The following ARHGAP25 variants were observed in gnomAD, a reference collection of about 807,000 sequenced individuals.
The protein encoded by ARHGAP25 is Rho GTPase activating protein 25, also known as rho GTPase-activating protein 25.
Under a neutral mutation model 71.0 loss-of-function variants are expected in ARHGAP25, and 34 were observed. The observed-to-expected ratio is 0.48, with a 90% CI of 0.36 to 0.64. The LOEUF is 0.64. Among genes scored for constraint, ARHGAP25 ranks in the 30% least tolerant of loss-of-function variants. The pLI is 0.00. For missense variants in ARHGAP25, 706 were observed against 805.1 expected (o/e 0.88, Z 1.49); for synonymous variants, 282 against 296.5 (o/e 0.95, Z 0.50).
chr2:68,803,855 A>G (rs1680177044), intron 4 of ARHGAP25, among the ~76,000 whole-genome samples: 1 of 152,086 alleles, frequency 6.6e-6, no homozygotes, highest in African/African-American at 2.4e-5. Context: ...CTGTTGAGAC[A>G]GAGAAGGGAG....
Position 68,798,956 on chromosome 2 carries a change from A to AT in ARHGAP25, c.467-8314dup, listed in dbSNP as rs147693154. 8.9e-4 allele frequency among the ~76,000 whole-genome samples: 136 copies of AT among 152,332 alleles called. 1 individual carries two copies. The East Asian group carries it at 0.024, about 26-fold the overall frequency. ...AAAAAGGTGAAAAAAATCAGATTCT[A>AT]TTTAAAAGATCATTCTACTTGCTGT... On this transcript the variant is annotated intron_variant, in intron 4 of 10. Transcript: ENST00000409202.
intron 9 of ARHGAP25, among the ~76,000 whole-genome samples, chr2:68,820,239 T>G (rs1385136465): frequency 6.6e-6 from 1 of 152,218 alleles, no homozygotes; most frequent in East Asian, 1.9e-4. Context: ...ATTTAATAGG[T>G]TTCTGCCATT....
intron 1 of ARHGAP25, among the ~76,000 whole-genome samples, chr2:68,765,219 C>T (rs1030521409): frequency 2.0e-5 from 3 of 152,154 alleles, no homozygotes; most frequent in Non-Finnish European, 2.9e-5. Flanking sequence ...GATATGGAGG[C>T]GGATCTGTCT....
upstream of ARHGAP25, among the ~76,000 whole-genome samples, chr2:68,730,414 C>T (rs941680602): frequency 5.9e-5 from 9 of 152,114 alleles, no homozygotes. Context: ...GAGGCCAAGG[C>T]AGAAGGATCA....
At chr2:68,778,426 G>A (rs181113859) in intron 2 of ARHGAP25, among the ~76,000 whole-genome samples, 268 of 152,012 alleles carry the variant, frequency 1.8e-3, no homozygotes, top group African/African-American at 5.7e-3. Flanking sequence ...AGTATTAACC[G>A]TGGTTATCTC....
chr2:68,750,806 G>T (rs1676124048), intron 1 of ARHGAP25, among the ~76,000 whole-genome samples: 1 of 152,194 alleles, frequency 6.6e-6, no homozygotes, highest in South Asian at 2.1e-4. Flanking sequence ...GGCCGGGCCG[G>T]CCCCAGATCC....
At chr2:68,752,876 G>C (rs962815027) in intron 1 of ARHGAP25, among the ~76,000 whole-genome samples, 333 of 152,222 alleles carry the variant, frequency 2.2e-3, no homozygotes, top group African/African-American at 7.2e-3. Flanking sequence ...TATACAAAGA[G>C]AGAGAGAGAG....
At chr2:68,718,530 A>AGTGT (rs34203928) in intron 2 of ARHGAP25, among the ~76,000 whole-genome samples, 33,119 of 151,136 alleles carry the variant, frequency 0.22, 3,925 homozygotes, top group East Asian at 0.37. Flanking sequence ...GAAATATATA[A>AGTGT]GTGTGTGTGT....
intron 1 of ARHGAP25, among the ~76,000 whole-genome samples, chr2:68,739,481 A>T (rs75547566): frequency 0.12 from 18,680 of 152,150 alleles, 1,449 homozygotes; most frequent in East Asian, 0.25. Context: ...AAGGCCCACT[A>T]TGGGGGTGTT....
chr2:68,807,353 A>T lies in ARHGAP25; in HGVS notation c.547A>T (p.Lys183Ter). 6.2e-7 allele frequency: 1 copy of T among 1,614,176 alleles called. No homozygotes were observed. Among genetic ancestry groups the T allele is most frequent in the Non-Finnish European group, 8.5e-7 (1 of 1,180,030 alleles). ...CCATCTGGTGCCCATCCTGGTGGAG[A>T]AATGTGCAGAGTTCATCCTGGAGCA... ...GPHLVPILVE[K>*]CAEFILEHGR... The change falls in exon 5 of 11, where the codon AAA becomes TAA. Residue 183 changes from lysine (K) to a stop codon, truncating the protein, a stop_gained. Transcript: ENST00000409202. LOFTEE classifies it high-confidence loss of function.
At chr2:68,815,395 C>T (rs929439450) in intron 6 of ARHGAP25, among the ~76,000 whole-genome samples, 5 of 149,126 alleles carry the variant, frequency 3.4e-5, no homozygotes, top group African/African-American at 1.2e-4. Flanking sequence ...AGGAGAGCTG[C>T]TCAGGTTTGA....
At chr2:68,800,195 TG>T (rs903523635) in intron 4 of ARHGAP25, among the ~76,000 whole-genome samples, 1 of 149,058 alleles carries the variant, frequency 6.7e-6, no homozygotes, top group African/African-American at 2.5e-5. Context: ...ACAGTGTGTA[TG>T]GGGGTGGGGA....
At chr2:68,786,282 G>T (rs1218551006) in intron 3 of ARHGAP25, among the ~76,000 whole-genome samples, 1 of 152,150 alleles carries the variant, frequency 6.6e-6, no homozygotes, top group Non-Finnish European at 1.5e-5. Flanking sequence ...CTGGAGTTGA[G>T]GCATGGTGGA....
upstream of ARHGAP25, among the ~76,000 whole-genome samples, chr2:68,734,133 T>C (rs1675099685): frequency 6.6e-6 from 1 of 152,248 alleles, no homozygotes; most frequent in Admixed American, 6.5e-5. Flanking sequence ...GCAACCACTC[T>C]GTGTCAAGCT....
intron 4 of ARHGAP25, among the ~76,000 whole-genome samples, chr2:68,796,317 C>G (rs1679534466): frequency 6.6e-6 from 1 of 152,062 alleles, no homozygotes; most frequent in Non-Finnish European, 1.5e-5. Context: ...ATTTTGGATT[C>G]TTTATCTGGG....
At chr2:68,786,910 A>G (rs1053609199) in intron 3 of ARHGAP25, among the ~76,000 whole-genome samples, 6 of 152,186 alleles carry the variant, frequency 3.9e-5, no homozygotes, top group Non-Finnish European at 8.8e-5. Flanking sequence ...AGGGATCACT[A>G]TTGTTTTCTT....
intron 10 of ARHGAP25, among the ~76,000 whole-genome samples, chr2:68,825,690 G>T (rs957614405): frequency 6.6e-6 from 1 of 152,238 alleles, no homozygotes; most frequent in African/African-American, 2.4e-5. Flanking sequence ...AAGGAGAATG[G>T]TGTGAACCTG....
At position 68,822,509 on chromosome 2, in the gene ARHGAP25, G is replaced by T. The variant is rs1681768334; in HGVS notation, c.1370G>T (p.Gly457Val). 6.2e-7 allele frequency: 1 copy of T among 1,614,086 alleles called. No individual in the cohort carries two copies. The highest frequency in any genetic ancestry group is 1.1e-5 in the South Asian group (1 of 91,092). Residue 457 changes from glycine to valine, a missense_variant, in exon 10 of 11, where the codon GGT becomes GTT. Transcript: ENST00000409202. ...RKCFLTSAFQ[G>V]ANSSKMEIFK... ...TGTTTCTTGACATCAGCTTTTCAGG[G>T]TGCCAACAGCAGCAAAATGGAGATC...
chr2:68,825,912 G>C lies in ARHGAP25; in HGVS notation c.1734-75G>C. 3 of 1,281,402 alleles carry C rather than the reference G, an allele frequency of 2.3e-6. No individual in the cohort carries two copies. The Middle Eastern group carries it at 6.4e-4, about 272-fold the overall frequency. 79.4% of individuals were successfully genotyped at this position (1,281,402 alleles called of 1,614,324 possible). Reference sequence around the variant, plus strand: ...TGATTTGAAAGGAAAATGAGCAGCAGGTTGTGAGCAAGGGGGAAGGAAGAG... The same window carrying C: ...TGATTTGAAAGGAAAATGAGCAGCACGTTGTGAGCAAGGGGGAAGGAAGAG... On this transcript the variant is annotated intron_variant, in intron 10 of 10. Coordinates refer to ENST00000409202, the MANE Select transcript of ARHGAP25 (RefSeq NM_001007231.3).
Sources: allele counts gnomAD v4.1 joint callset (sites outside exome capture counted in the v4.1 genomes callset), GRCh38; gene constraint gnomAD v4.1.1; transcripts MANE v1.5; gene names NCBI Gene and HGNC (gene_info 2026-07-23, HGNC 2026-07-21).